Variants in CSPG4 observed in about 807,000 individuals in gnomAD.
CSPG4 encodes the protein chondroitin sulfate proteoglycan 4, also known as chondroitin sulfate proteoglycan 4 (melanoma-associated).
In CSPG4, 74 loss-of-function variants were observed where a neutral mutation model predicts 139.3. That is an observed-to-expected ratio of 0.53 (90% CI 0.44 to 0.64). The LOEUF (loss-of-function observed/expected upper bound fraction) is 0.64. Among genes scored for constraint, CSPG4 ranks in the 30% least tolerant of loss-of-function variants. The pLI is 0.00. For missense variants in CSPG4, 2,565 were observed against 3,148.3 expected, an observed-to-expected ratio of 0.81 and a Z score of 4.43; for synonymous variants, 1,234 against 1,394.2, an observed-to-expected ratio of 0.89 and a Z score of 2.56.
intron 1 of CSPG4, among the ~76,000 whole-genome samples, chr15:75,703,498 G>A (rs1255966509): frequency 1.7e-4 from 26 of 151,840 alleles, no homozygotes; most frequent in Admixed American, 7.9e-4. Context: ...CCCACCCCCA[G>A]CCTCCAGGGT....
Position 75,685,275 on chromosome 15 carries a change from G to A in CSPG4, c.4216C>T (p.Leu1406=). The A allele has an allele frequency of 6.4e-7, 1 of 1,561,482 alleles. No individual in the cohort carries two copies. Among genetic ancestry groups the A allele is most frequent in the South Asian group, 1.2e-5 (1 of 84,408 alleles). ...QVLEPPQHGA[L]QKEDGPQART... ...GCTTGAGGTCCGTCCTCCTTCTGCA[G>A]GGCTCCATGCTGGGGTGGCTCCAGC... Residue 1406 remains leucine (L), a synonymous_variant, in exon 4 of 10, where the codon CTG becomes TTG. Coordinates refer to ENST00000308508, the MANE Select transcript of CSPG4 (RefSeq NM_001897.5).
At chr15:75,704,385 G>A (rs1032016149) in intron 1 of CSPG4, among the ~76,000 whole-genome samples, 39 of 152,218 alleles carry the variant, frequency 2.6e-4, no homozygotes, top group Non-Finnish European at 4.6e-4. Flanking sequence ...ACGGTTGGAG[G>A]GACAGCCCCC....
At chr15:75,700,389 G>A (rs547093434) in intron 1 of CSPG4, among the ~76,000 whole-genome samples, 1 of 152,236 alleles carries the variant, frequency 6.6e-6, no homozygotes, top group Middle Eastern at 3.4e-3. Flanking sequence ...AGCGAGGAGG[G>A]GGGGACAGCG....
In CSPG4 at chr15:75,682,334, C is replaced by A; in HGVS notation, c.4909G>T (p.Asp1637Tyr). 6.3e-7 allele frequency: 1 copy of A among 1,596,738 alleles called. No individual in the cohort carries two copies. The highest frequency in any genetic ancestry group is 8.5e-7 in the Non-Finnish European group (1 of 1,179,938). Reference sequence around the variant, plus strand: ...TTCACCAGGGCCTCCCCTGTGCTGTCCTGCTGGGCGTGGAACAGCCGGCCT... The same window carrying A: ...TTCACCAGGGCCTCCCCTGTGCTGTACTGCTGGGCGTGGAACAGCCGGCCT... ...QLGRLFHAQQ[D>Y]STGEALVNFT... Residue 1637 changes from aspartate (D) to tyrosine (Y), a missense_variant, in exon 8 of 10, where the codon GAC (aspartate) becomes TAC (tyrosine). Coordinates refer to ENST00000308508, the MANE Select transcript of CSPG4 (RefSeq NM_001897.5).
intron 1 of CSPG4, among the ~76,000 whole-genome samples, chr15:75,695,392 G>A (rs1243340832): frequency 3.9e-5 from 6 of 152,144 alleles, no homozygotes; most frequent in African/African-American, 7.2e-5. Context: ...TTTCCAGAGC[G>A]CTGGGGTCTG....
chr15:75,712,949 C>T (rs1315610567), upstream of CSPG4: 3 of 536,458 alleles, frequency 5.6e-6, no homozygotes, highest in Non-Finnish European at 9.7e-6. Context: ...CACCTGCCCC[C>T]ACCCTCAACC....
rs912705154 is a variant in CSPG4 at position 75,674,723 on chromosome 15, C to T, written c.*827G>A. The T allele has an allele frequency of 4.0e-4, 158 of 398,658 alleles. 1 individual carries two copies. The East Asian group carries it at 5.5e-3, about 14-fold the overall frequency. 24.7% of individuals were successfully genotyped at this position (398,658 alleles called of 1,614,324 possible). A position where few individuals can be genotyped will look rare whatever the true frequency, so the allele number is the denominator to read the frequency against. On this transcript the variant is annotated 3_prime_UTR_variant, in exon 10 of 10. Coordinates refer to ENST00000308508, the MANE Select transcript of CSPG4 (RefSeq NM_001897.5). ...GGGGGCACTGGCACCGCAGTGGCCTCGGCCTGAGACCCTCGATGAGCCCCA... is the reference window on the plus strand; with the variant it reads ...GGGGGCACTGGCACCGCAGTGGCCTTGGCCTGAGACCCTCGATGAGCCCCA...
In CSPG4 at chr15:75,687,248, C is replaced by G; in HGVS notation, c.3789+28G>C. 1 of 1,607,944 alleles carries G rather than the reference C, an allele frequency of 6.2e-7. No individual in the cohort carries two copies. Among genetic ancestry groups the G allele is most frequent in the Non-Finnish European group, 8.5e-7 (1 of 1,179,622 alleles). ...GAGAAGGCCCTCTACCTGGCCCACA[C>G]CCCTGCTCACCACCTCCAACTCCTC... On this transcript the variant is annotated intron_variant, in intron 3 of 9. Transcript: ENST00000308508. This position sits in a 1 kb window ranked among gnomAD's most constrained non-coding sequence, Gnocchi z 5.4.
rs1427171850 is a variant in CSPG4 at position 75,698,972 on chromosome 15, G to A, written c.89-5739C>T. Among the ~76,000 whole-genome samples the A allele has an allele frequency of 1.3e-5, 2 of 152,056 alleles. No homozygotes were observed. Among genetic ancestry groups the A allele is most frequent in the South Asian group, 2.1e-4 (1 of 4,800 alleles). On this transcript the variant is annotated intron_variant, in intron 1 of 9. Transcript: ENST00000308508. The surrounding 1 kb of genome is among the most constrained non-coding windows in gnomAD (Gnocchi z 4.3). Reference sequence around the variant, plus strand: ...GGCCAGGGTGGGCTGCCTGGGAGACGCTCACACACCTGCAGACCCCTCAGG... The same window carrying A: ...GGCCAGGGTGGGCTGCCTGGGAGACACTCACACACCTGCAGACCCCTCAGG...
At chr15:75,708,974 C>T (rs1894409748) in intron 1 of CSPG4, among the ~76,000 whole-genome samples, 1 of 152,084 alleles carries the variant, frequency 6.6e-6, no homozygotes, top group Admixed American at 6.6e-5. Flanking sequence ...GTGACTGTTT[C>T]CTGACCTGCA....
intron 1 of CSPG4, among the ~76,000 whole-genome samples, chr15:75,706,266 C>T (rs1894370459): frequency 6.6e-6 from 1 of 152,236 alleles, no homozygotes; most frequent in African/African-American, 2.4e-5. Flanking sequence ...CTGGCCCAGG[C>T]CAGAGGGCCT....
chr15:75,682,193 T>C (rs1893982642), intron 8 of CSPG4, 100 bp downstream of exon 8: 1 of 1,434,226 alleles, frequency 7.0e-7, no homozygotes, highest in African/African-American at 1.4e-5. Context: ...CTGCTGCCAG[T>C]GATGCTGGAG....
At chr15:75,708,765 A>G (rs971181163) in intron 1 of CSPG4, among the ~76,000 whole-genome samples, 1 of 152,176 alleles carries the variant, frequency 6.6e-6, no homozygotes, top group African/African-American at 2.4e-5. Context: ...GGTGGTTCAC[A>G]CCTGTAATCC....
chr15:75,689,028 C>T lies in CSPG4; in HGVS notation c.2037G>A (p.Met679Ile). 6.2e-7 allele frequency: 1 copy of T among 1,611,938 alleles called. No individual in the cohort carries two copies. Among genetic ancestry groups the T allele is most frequent in the Non-Finnish European group, 8.5e-7 (1 of 1,179,994 alleles). Reference protein sequence around the residue: ...TGLRLAQGSAMPILPANLSVE... With the variant: ...TGLRLAQGSAIPILPANLSVE... ...CCGACAGGTTGGCGGGCAAGATGGGCATGGCAGAGCCTTGGGCCAGTCGCA... is the reference window on the plus strand; with the variant it reads ...CCGACAGGTTGGCGGGCAAGATGGGTATGGCAGAGCCTTGGGCCAGTCGCA... The change falls in exon 3 of 10, where the codon ATG becomes ATA. Residue 679 changes from methionine to isoleucine, a missense_variant. Physicochemically the swap from Met to Ile is conservative, Grantham distance 10. Transcript: ENST00000308508.
chr15:75,677,149 A>G lies in CSPG4; in HGVS notation c.5370T>C (p.Gly1790=). 7.0e-7 allele frequency: 1 copy of G among 1,421,370 alleles called. No homozygotes were observed. 88.0% of individuals were successfully genotyped at this position (1,421,370 alleles called of 1,614,324 possible). The change falls in exon 10 of 10, where the codon GGT becomes GGC. Residue 1790 remains glycine, a synonymous_variant. Coordinates refer to ENST00000308508, the MANE Select transcript of CSPG4 (RefSeq NM_001897.5). ...GGAAGCCATCCTGCTGGGTGCCCCC[A>G]CCGCCGTGGGCATACACTAGCTGCC... ...AAGQLVYAHG[G]GGTQQDGFHF... is the part of the protein sequence containing the mutation.
At chr15:75,681,626 T>C (rs1163221371) in intron 8 of CSPG4, among the ~76,000 whole-genome samples, 1 of 152,176 alleles carries the variant, frequency 6.6e-6, no homozygotes, top group African/African-American at 2.4e-5. Context: ...ATGGAACAAC[T>C]CCTGTTCTGT....
In CSPG4 at chr15:75,675,391, G is replaced by C. The variant is rs889770804; in HGVS notation, c.*159C>G. On this transcript the variant is annotated 3_prime_UTR_variant, in exon 10 of 10. Transcript: ENST00000308508. ...CCAGCTCTTGACTCCACTCTGTCCC[G>C]GACCCCTGGGACTATCTCCCAGGAC... The C allele has an allele frequency of 1.4e-6, 1 of 735,824 alleles. No homozygotes were observed. The highest frequency in any genetic ancestry group is 4.0e-5 in the Admixed American group (1 of 24,868). The allele number at this position is 735,824 out of a possible 1,614,324, so 45.6% of individuals were successfully genotyped here.
Position 75,698,320 on chromosome 15 carries a change from T to C in CSPG4, c.89-5087A>G, listed in dbSNP as rs1292915712. Among the ~76,000 whole-genome samples the C allele has an allele frequency of 1.3e-5, 1 of 78,946 alleles. No individual in the cohort carries two copies. The highest frequency in any genetic ancestry group is 5.7e-5 in the African/African-American group (1 of 17,564). 51.8% of individuals were successfully genotyped at this position (78,946 alleles called of 152,430 possible). ...TCTCCCCTCATAGGTGTGTATGTGG[T>C]GGGGCGGGGGGTGGTCGTGGCCCAC... On this transcript the variant is annotated intron_variant, in intron 1 of 9. Coordinates refer to ENST00000308508, the MANE Select transcript of CSPG4 (RefSeq NM_001897.5). This position sits in a 1 kb window ranked among gnomAD's most constrained non-coding sequence, Gnocchi z 4.3.
In CSPG4 at chr15:75,676,044, C is replaced by A. The variant is rs1162865672; in HGVS notation, c.6475G>T (p.Asp2159Tyr). 2.6e-6 allele frequency: 4 copies of A among 1,546,722 alleles called. No homozygotes were observed. In the Admixed American group the frequency reaches 5.6e-5, roughly 22 times the overall value. The change falls in exon 10 of 10, where the codon GAC (aspartate) becomes TAC (tyrosine). Residue 2159 changes from aspartate to tyrosine, a missense_variant. This residue lies in a region of CSPG4 where 2,316 missense variants were observed against 2,818.2 expected (regional missense o/e 0.82). Transcript: ENST00000308508. ...QGVPPAVASL[D>Y]FATEPYNAAR... The stretch of plus-strand genomic sequence containing the variant: ...GCATTGTAAGGCTCAGTGGCAAAGT[C>A]CAGGGAGGCCACAGCAGGCGGGACG...
Sources: gnomAD v4.1 joint callset for allele counts (sites outside exome capture counted in the v4.1 genomes callset) on GRCh38, gnomAD v4.1.1 for gene constraint, gnomAD v4.1.1 regional missense constraint, Gnocchi (gnomAD v3.1) non-coding constraint, MANE v1.5 for transcripts, NCBI Gene and HGNC (gene_info 2026-07-23, HGNC 2026-07-21) for gene names.